ASCC1: variants seen among roughly 807,000 people sequenced by gnomAD.
The protein encoded by ASCC1 is ASC-1 complex subunit P50.
A neutral mutation model predicts 46.6 loss-of-function variants in ASCC1; 35 were observed. The observed-to-expected ratio is 0.75, with a 90% CI of 0.57 to 0.99. The LOEUF (loss-of-function observed/expected upper bound fraction) is 0.99. ASCC1 is among the 50% of genes least tolerant of loss of function. ASCC1 has a pLI of 0.00. For synonymous variants in ASCC1, 143 were observed against 146.6 expected (o/e 0.98, Z 0.18); for missense variants, 376 against 428.7 (o/e 0.88, Z 1.09).
intron 5 of ASCC1, among the ~76,000 whole-genome samples, chr10:72,164,004 C>G (rs1280477808): frequency 6.6e-6 from 1 of 151,984 alleles, no homozygotes; most frequent in Non-Finnish European, 1.5e-5. Flanking sequence ...GCTCTGTCAT[C>G]CAGGCTAGAG....
chr10:72,110,719 G>A (rs60806657), intron 9 of ASCC1, among the ~76,000 whole-genome samples: 12,806 of 152,192 alleles, frequency 0.084, 1,660 homozygotes, highest in African/African-American at 0.27. Context: ...CCCGGGAGGC[G>A]GAGGTTGCAG....
intron 9 of ASCC1, among the ~76,000 whole-genome samples, chr10:72,122,506 G>T (rs1232345830): frequency 6.6e-6 from 1 of 151,742 alleles, no homozygotes; most frequent in Non-Finnish European, 1.5e-5. Context: ...CCTTAGCTGG[G>T]TGTGGTAGCT....
chr10:72,205,400 T>TG (rs1180088189), intron 3 of ASCC1, among the ~76,000 whole-genome samples: 1 of 150,242 alleles, frequency 6.7e-6, no homozygotes, highest in Non-Finnish European at 1.5e-5. Flanking sequence ...GAGGCCGAGG[T>TG]GGGGGGGATC....
At chr10:72,142,864 A>G (rs1847186882) in intron 7 of ASCC1, among the ~76,000 whole-genome samples, 2 of 152,086 alleles carry the variant, frequency 1.3e-5, no homozygotes, top group Admixed American at 1.3e-4. Context: ...AATTTCCTGC[A>G]AAAAGGTATT....
chr10:72,171,564 T>G (rs866693243), intron 5 of ASCC1, among the ~76,000 whole-genome samples: 3 of 152,212 alleles, frequency 2.0e-5, no homozygotes, highest in Middle Eastern at 3.4e-3. Flanking sequence ...GTAGCTGGGA[T>G]TACAGGCACC....
At chr10:72,118,052 AAAG>A (rs1466571518) in intron 9 of ASCC1, among the ~76,000 whole-genome samples, 5 of 152,256 alleles carry the variant, frequency 3.3e-5, no homozygotes, top group Non-Finnish European at 7.3e-5. Flanking sequence ...AAAAAAATCT[AAAG>A]AAGAGCCAAG....
chr10:72,154,825 T>C (rs567371685), intron 6 of ASCC1, among the ~76,000 whole-genome samples: 1 of 152,190 alleles, frequency 6.6e-6, no homozygotes, highest in Non-Finnish European at 1.5e-5. Flanking sequence ...CATAAAGTTT[T>C]GTTTTGAGTA....
At chr10:72,141,180 C>T (rs529387105) in intron 7 of ASCC1, among the ~76,000 whole-genome samples, 6 of 152,090 alleles carry the variant, frequency 3.9e-5, no homozygotes, top group Non-Finnish European at 7.4e-5. Flanking sequence ...CCACAAATAA[C>T]GACTGGTAAA....
chr10:72,203,887 G>A (rs906793495), intron 3 of ASCC1, among the ~76,000 whole-genome samples: 2 of 152,170 alleles, frequency 1.3e-5, no homozygotes, highest in Non-Finnish European at 2.9e-5. Context: ...AAAGACTGAG[G>A]TGGGAGAACT....
chr10:72,140,824 T>C (rs1846878426), intron 7 of ASCC1, among the ~76,000 whole-genome samples: 1 of 152,192 alleles, frequency 6.6e-6, no homozygotes, highest in African/African-American at 2.4e-5. Flanking sequence ...TGGAATTTAA[T>C]GCACACATAT....
At chr10:72,210,349 G>A (rs1299292357) in intron 3 of ASCC1, among the ~76,000 whole-genome samples, 3 of 151,878 alleles carry the variant, frequency 2.0e-5, no homozygotes, top group East Asian at 1.9e-4. Context: ...TAGTAGAGAC[G>A]GGGTTTCGCC....
At chr10:72,110,878 C>T (rs1842849718) in intron 9 of ASCC1, among the ~76,000 whole-genome samples, 1 of 152,172 alleles carries the variant, frequency 6.6e-6, no homozygotes, top group Non-Finnish European at 1.5e-5. Context: ...AATGGCTGGC[C>T]TTGGATTGGC....
chr10:72,154,387 A>C (rs1848708488), intron 6 of ASCC1, among the ~76,000 whole-genome samples: 1 of 152,120 alleles, frequency 6.6e-6, no homozygotes, highest in Non-Finnish European at 1.5e-5. Flanking sequence ...GAACCCACTG[A>C]CCAAGCTGAA....
chr10:72,171,806 T>G (rs11000201), intron 5 of ASCC1, among the ~76,000 whole-genome samples: 59,871 of 152,076 alleles, frequency 0.39, 13,204 homozygotes, highest in Non-Finnish European at 0.51. Flanking sequence ...TCACCGGTTT[T>G]GGGATTATGA....
Position 72,188,011 on chromosome 10 carries a change from G to C in ASCC1, c.489+8800C>G, listed in dbSNP as rs1284170648. 3.3e-5 allele frequency among the ~76,000 whole-genome samples: 5 copies of C among 151,434 alleles called. No homozygotes were observed. In the East Asian group the frequency reaches 9.7e-4, roughly 29 times the overall value. ...CTACACTAAGCTCAGGCCATCTCTT[G>C]TATGTGCCCAATCTGAATCTATTCA... On this transcript the variant is annotated intron_variant, in intron 5 of 9. Coordinates refer to ENST00000672957, the MANE Select transcript of ASCC1 (RefSeq NM_001198800.3).
rs190721601 is a variant in ASCC1, at chr10:72,115,055, G to T, written c.957+13027C>A. 1.9e-3 allele frequency among the ~76,000 whole-genome samples: 283 copies of T among 152,202 alleles called. 2 individuals carry two copies. Among genetic ancestry groups the T allele is most frequent in the African/African-American group, 6.1e-3 (255 of 41,524 alleles). On this transcript the variant is annotated intron_variant, in intron 9 of 9. Transcript: ENST00000672957. ...ATGTAAAAACTATTCTTGGTTAGAG[G>T]GCCATAAAAAATACAGGTGGTGGGC... is the stretch of plus-strand genomic sequence containing the variant.
rs1856270595 is a variant in ASCC1 at position 72,200,008 on chromosome 10, C to T, written c.311-3019G>A. ...TAGGCCTCCCAAAGTGTTGGGATTA[C>T]AGGCATGAGCCACCAAGCCCAGCCT... On this transcript the variant is annotated intron_variant, in intron 4 of 9. Transcript: ENST00000672957. Among the ~76,000 whole-genome samples, 3 of 152,120 alleles carry T rather than the reference C, an allele frequency of 2.0e-5. No homozygotes were observed. In the South Asian group the frequency reaches 6.2e-4, roughly 32 times the overall value.
chr10:72,117,483 C>T (rs61853771), intron 9 of ASCC1, among the ~76,000 whole-genome samples: 5,442 of 152,252 alleles, frequency 0.036, 211 homozygotes, highest in African/African-American at 0.1. Context: ...TGATTGAGAA[C>T]GCTCTTTGTC....
At chr10:72,130,454 A>G (rs1011898639) in intron 8 of ASCC1, among the ~76,000 whole-genome samples, 2 of 152,242 alleles carry the variant, frequency 1.3e-5, no homozygotes, top group African/African-American at 4.8e-5. Flanking sequence ...GACTGTAAAC[A>G]CACAACACTC....
Sources: gnomAD v4.1 joint callset for allele counts (sites outside exome capture counted in the v4.1 genomes callset) on GRCh38, gnomAD v4.1.1 for gene constraint, MANE v1.5 for transcripts, NCBI Gene and HGNC (gene_info 2026-07-23, HGNC 2026-07-21) for gene names.